Variants in TGM6 observed in about 807,000 individuals in gnomAD.
TGM6 encodes the protein transglutaminase 6, also known as protein-glutamine gamma-glutamyltransferase 6.
Under a neutral mutation model 77.5 loss-of-function variants are expected in TGM6, and 74 were observed. That is an observed-to-expected ratio of 0.96 (90% confidence interval 0.79 to 1.16). TGM6 has a LOEUF of 1.16. Among genes scored for constraint, TGM6 ranks in the 50% most tolerant of loss-of-function variants. The pLI, the probability that TGM6 is intolerant of heterozygous loss-of-function variation, is 0.00. For missense variants in TGM6, 968 were observed against 940.2 expected, an observed-to-expected ratio of 1.03 and a Z score of -0.39; for synonymous variants, 383 against 378.9, an observed-to-expected ratio of 1.01 and a Z score of -0.12.
chr20:2,417,156 G>A lies in TGM6; in HGVS notation c.1337-76G>A. On this transcript the variant is annotated intron_variant, in intron 9 of 12. Transcript: ENST00000202625. ...TGTGCATATGGCTCTTGAACTGCCA[G>A]TTTGACTTCCATGAGCCATAGTAAA... The A allele has an allele frequency of 8.6e-6, 12 of 1,397,048 alleles. No homozygotes were observed. The South Asian group carries it at 1.5e-4, about 17-fold the overall frequency. The allele number at this position is 1,397,048 out of a possible 1,614,324, so 86.5% of individuals were successfully genotyped here. A position where few individuals can be genotyped will look rare whatever the true frequency, so the allele number is the denominator to read the frequency against.
chr20:2,387,886 TTCTG>T (rs2084606429), intron 1 of TGM6, among the ~76,000 whole-genome samples: 1 of 152,156 alleles, frequency 6.6e-6, no homozygotes, highest in Non-Finnish European at 1.5e-5. Context: ...TTCCAGATAA[TTCTG>T]TCTGTCAGCT....
intron 5 of TGM6, among the ~76,000 whole-genome samples, 162 bp downstream of exon 5, chr20:2,398,208 T>A (rs2084682312): frequency 6.6e-6 from 1 of 152,200 alleles, no homozygotes; most frequent in Non-Finnish European, 1.5e-5. Context: ...CCCTTTATTA[T>A]GCTTACTGTT....
At chr20:2,381,137 A>T (rs944439777) in intron 1 of TGM6, among the ~76,000 whole-genome samples, 162 bp downstream of exon 1, 1 of 152,206 alleles carries the variant, frequency 6.6e-6, no homozygotes, top group African/African-American at 2.4e-5. Flanking sequence ...CATGAGGCCC[A>T]GGATGAAAAA....
At chr20:2,429,287 T>C (rs1381394538) in intron 10 of TGM6, among the ~76,000 whole-genome samples, 1 of 152,072 alleles carries the variant, frequency 6.6e-6, no homozygotes, top group African/African-American at 2.4e-5. Context: ...GCAGAGCGCA[T>C]GAGCCAAGTT....
intron 7 of TGM6, among the ~76,000 whole-genome samples, chr20:2,403,031 G>GC (rs2084721948): frequency 6.6e-6 from 1 of 152,190 alleles, no homozygotes; most frequent in Non-Finnish European, 1.5e-5. Flanking sequence ...TCTAGCTTAA[G>GC]CCCCTCTTTT....
chr20:2,400,334 G>A lies in TGM6; in HGVS notation c.879G>A (p.Arg293=). The change falls in exon 7 of 13, where the codon CGG becomes CGA. Residue 293 remains arginine (R), a synonymous_variant. Transcript: ENST00000202625. ...TCAGGTGCTTGGGGATAGCCACACGGGTCGTGTCCAACTTCAACTCAGCCC... is the reference window on the plus strand; with the variant it reads ...TCAGGTGCTTGGGGATAGCCACACGAGTCGTGTCCAACTTCAACTCAGCCC... The part of the protein sequence containing the change: ...TVLRCLGIAT[R]VVSNFNSAHD... The A allele has an allele frequency of 6.2e-7, 1 of 1,614,178 alleles. No homozygotes were observed. Among genetic ancestry groups the A allele is most frequent in the Non-Finnish European group, 8.5e-7 (1 of 1,180,028 alleles).
At chr20:2,404,950 A>C (rs2084739640) in intron 9 of TGM6, among the ~76,000 whole-genome samples, 1 of 152,180 alleles carries the variant, frequency 6.6e-6, no homozygotes, top group South Asian at 2.1e-4. Context: ...CCCTTGTTGC[A>C]CATTTGAATT....
chr20:2,403,922 T>C, intron 9 of TGM6, 99 bp downstream of exon 9: 1 of 1,588,272 alleles, frequency 6.3e-7, no homozygotes, highest in Non-Finnish European at 8.6e-7. Context: ...TCACCCCATG[T>C]ATATGACGCT....
chr20:2,430,067 G>T (rs1272878682), intron 10 of TGM6, among the ~76,000 whole-genome samples: 1 of 152,196 alleles, frequency 6.6e-6, no homozygotes. Flanking sequence ...CACATAGTAG[G>T]TGCTCAATAA....
intron 1 of TGM6, among the ~76,000 whole-genome samples, chr20:2,390,263 A>G (rs1280599899): frequency 2.0e-5 from 3 of 152,222 alleles, no homozygotes; most frequent in Non-Finnish European, 2.9e-5. Context: ...TTCATCATTC[A>G]TAATACGGGG....
chr20:2,421,940 T>C (rs1369678998), intron 10 of TGM6, among the ~76,000 whole-genome samples: 1 of 152,148 alleles, frequency 6.6e-6, no homozygotes. Flanking sequence ...GAGACCAGCC[T>C]GGTCAACATG....
chr20:2,397,845 G>T (rs992420940), intron 4 of TGM6, 73 bp from the exon 5 acceptor site: 2 of 1,613,162 alleles, frequency 1.2e-6, no homozygotes, highest in Non-Finnish European at 1.7e-6. Flanking sequence ...GACTGACCGG[G>T]TGAGGGCTGT....
At chr20:2,381,671 T>A (rs1013780965) in intron 1 of TGM6, among the ~76,000 whole-genome samples, 7 of 152,074 alleles carry the variant, frequency 4.6e-5, no homozygotes, top group Non-Finnish European at 1.0e-4. Flanking sequence ...AATCCCAGCA[T>A]TTTGGGAGGC....
At chr20:2,420,942 T>G (rs1239434435) in intron 10 of TGM6, among the ~76,000 whole-genome samples, 2 of 152,214 alleles carry the variant, frequency 1.3e-5, no homozygotes, top group Non-Finnish European at 2.9e-5. Context: ...ATAAAGCTGC[T>G]GTAAACATCC....
intron 9 of TGM6, among the ~76,000 whole-genome samples, chr20:2,413,237 C>A (rs1041835306): frequency 6.6e-6 from 1 of 152,092 alleles, no homozygotes; most frequent in Admixed American, 6.6e-5. Flanking sequence ...GCAACATGGA[C>A]GACTTCATCT....
chr20:2,429,998 G>A (rs2084913800), intron 10 of TGM6, among the ~76,000 whole-genome samples: 1 of 152,152 alleles, frequency 6.6e-6, no homozygotes, highest in South Asian at 2.1e-4. Context: ...GTAGGGAATT[G>A]GCCTCACAGG....
chr20:2,384,513 C>T (rs1056573056), intron 1 of TGM6, among the ~76,000 whole-genome samples: 3 of 152,190 alleles, frequency 2.0e-5, no homozygotes, highest in African/African-American at 7.2e-5. Context: ...TCCTGAGAAC[C>T]TAGTATGTGC....
At chr20:2,413,138 T>G (rs924171533) in intron 9 of TGM6, among the ~76,000 whole-genome samples, 9 of 152,294 alleles carry the variant, frequency 5.9e-5, no homozygotes, top group Admixed American at 2.6e-4. Context: ...CAGCCAGGCA[T>G]GGTGGCTTAT....
At chr20:2,385,556 C>A (rs2122324976) in intron 1 of TGM6, among the ~76,000 whole-genome samples, 1 of 152,310 alleles carries the variant, frequency 6.6e-6, no homozygotes, top group East Asian at 1.9e-4. Context: ...GCCAGTCTGC[C>A]TGCCCATGTC....
Sources: gnomAD v4.1 joint callset for allele counts (sites outside exome capture counted in the v4.1 genomes callset) on GRCh38, gnomAD v4.1.1 for gene constraint, MANE v1.5 for transcripts, NCBI Gene and HGNC (gene_info 2026-07-23, HGNC 2026-07-21) for gene names.